LRP2: variants seen among roughly 807,000 people sequenced by gnomAD.
The protein encoded by LRP2 is low-density lipoprotein receptor-related protein 2.
Under a neutral mutation model 531.0 loss-of-function variants are expected in LRP2, and 172 were observed. The ratio of observed to expected loss-of-function variants is 0.32; its 90% CI spans 0.29 to 0.37. The LOEUF (loss-of-function observed/expected upper bound fraction) is 0.37. Ranked by LOEUF, LRP2 falls within the 10% of genes least tolerant of loss-of-function variation. LRP2 has a pLI of 1.00. For missense variants in LRP2, 5,167 were observed against 5,868.3 expected, an observed-to-expected ratio of 0.88 and a Z score of 3.90; for synonymous variants, 1,992 against 2,027.6, an observed-to-expected ratio of 0.98 and a Z score of 0.47.
intron 3 of LRP2, among the ~76,000 whole-genome samples, chr2:169,316,738 ATGAGAATGG>A (rs1268952811): frequency 6.6e-6 from 1 of 152,166 alleles, no homozygotes; most frequent in Non-Finnish European, 1.5e-5. Context: ...CACTAAAGTC[ATGAGAATGG>A]TGAGACTATC....
At chr2:169,336,863 G>A (rs1164039561) in intron 1 of LRP2, among the ~76,000 whole-genome samples, 1 of 152,138 alleles carries the variant, frequency 6.6e-6, no homozygotes, top group Admixed American at 6.5e-5. Flanking sequence ...ACTAAAGTCA[G>A]CCAGTTCTTC....
At chr2:169,182,125 A>G in intron 51 of LRP2, 42 bp downstream of exon 51, 1 of 1,612,488 alleles carries the variant, frequency 6.2e-7, no homozygotes. Flanking sequence ...GAGGCAGAAG[A>G]AGGAGGTGAA....
intron 1 of LRP2, among the ~76,000 whole-genome samples, chr2:169,336,729 A>AT (rs1202476774): frequency 7.2e-5 from 11 of 152,252 alleles, no homozygotes; most frequent in Middle Eastern, 3.4e-3. Context: ...CTGGTAGACC[A>AT]TTTATCTTTG....
intron 52 of LRP2, among the ~76,000 whole-genome samples, chr2:169,179,402 T>C (rs1687342643): frequency 6.6e-6 from 1 of 152,142 alleles, no homozygotes; most frequent in Non-Finnish European, 1.5e-5. Flanking sequence ...ATCTCAGATA[T>C]CTCTATGAGT....
intron 64 of LRP2, 38 bp from the exon 65 acceptor site, chr2:169,156,443 C>G: frequency 6.2e-7 from 1 of 1,612,010 alleles, no homozygotes; most frequent in Non-Finnish European, 8.5e-7. Context: ...AACATCTGTT[C>G]CCATCCATTC....
intron 16 of LRP2, among the ~76,000 whole-genome samples, chr2:169,267,208 A>G (rs986651637): frequency 6.6e-6 from 1 of 152,118 alleles, no homozygotes; most frequent in Non-Finnish European, 1.5e-5. Context: ...TCCATAAAAA[A>G]GCAATAAATT....
At chr2:169,260,979 A>C (rs553917232) in intron 16 of LRP2, among the ~76,000 whole-genome samples, 1 of 152,184 alleles carries the variant, frequency 6.6e-6, no homozygotes, top group Admixed American at 6.5e-5. Flanking sequence ...ACTGATAGGC[A>C]TTATTTAATT....
intron 1 of LRP2, among the ~76,000 whole-genome samples, chr2:169,335,917 A>C (rs1685390176): frequency 6.6e-6 from 1 of 151,630 alleles, no homozygotes; most frequent in African/African-American, 2.4e-5. Flanking sequence ...TGGGAGGCTG[A>C]GCTGGGAGAA....
rs988492187 is a variant in LRP2, at chr2:169,212,127, A to G, written c.6121T>C (p.Phe2041Leu). Residue 2041 changes from phenylalanine to leucine, a missense_variant, in exon 37 of 79, where the codon TTT (phenylalanine) becomes CTT (leucine). Coordinates refer to ENST00000649046, the MANE Select transcript of LRP2 (RefSeq NM_004525.3). The stretch of plus-strand genomic sequence containing the variant: ...AATCCAGTGGCACAGGCGCAGGAAA[A>G]CAATCCTCCTGGTACAGGCAGGCAA... The part of the protein sequence containing the change: ...QICLPVPGGL[F>L]SCACATGFKL... 3.7e-6 allele frequency: 6 copies of G among 1,614,030 alleles called. No individual in the cohort carries two copies. In the Admixed American group the frequency reaches 6.7e-5, roughly 18 times the overall value.
chr2:169,186,047 T>C (rs1687626625), intron 49 of LRP2, 28 bp from the exon 50 acceptor site: 2 of 1,604,904 alleles, frequency 1.2e-6, no homozygotes, highest in South Asian at 2.2e-5. Flanking sequence ...TTCTTAGAGA[T>C]CCTAAAATAT....
At position 169,269,950 on chromosome 2, in the gene LRP2, T is replaced by A. The variant is rs372644950; in HGVS notation, c.2320+954A>T. ...CCCATCAAAAAGTGGGTGAAGGATA[T>A]GAACAGACACTTCTCAAAAAAAGAC... On this transcript the variant is annotated intron_variant, in intron 16 of 78. Transcript: ENST00000649046. 1.2e-4 allele frequency among the ~76,000 whole-genome samples: 18 copies of A among 152,200 alleles called. No individual in the cohort carries two copies. In the East Asian group the frequency reaches 2.5e-3, roughly 21 times the overall value.
intron 1 of LRP2, among the ~76,000 whole-genome samples, chr2:169,358,910 A>G (rs193196372): frequency 7.9e-5 from 12 of 151,220 alleles, no homozygotes; most frequent in Admixed American, 5.9e-4. Flanking sequence ...AAAAAAAAAA[A>G]AAAAAAGAAA....
At chr2:169,273,263 C>G (rs1344784861) in intron 14 of LRP2, among the ~76,000 whole-genome samples, 196 bp from the exon 15 acceptor site, 1 of 152,042 alleles carries the variant, frequency 6.6e-6, no homozygotes, top group African/African-American at 2.4e-5. Flanking sequence ...CACTGCTGCT[C>G]TCCCATCCAC....
At chr2:169,280,702 T>C (rs1181739441) in intron 10 of LRP2, among the ~76,000 whole-genome samples, 183 bp from the exon 11 acceptor site, 2 of 152,186 alleles carry the variant, frequency 1.3e-5, no homozygotes, top group African/African-American at 2.4e-5. Context: ...GAAGGGCAAA[T>C]TGAGGCACAA....
chr2:169,197,168 G>A (rs999752128), intron 45 of LRP2, 138 bp from the exon 46 acceptor site: 41 of 999,984 alleles, frequency 4.1e-5, no homozygotes, highest in Non-Finnish European at 6.0e-5. Flanking sequence ...GGATGCTTGT[G>A]TAAGCTTTCT....
chr2:169,261,508 C>A (rs1342216085), intron 16 of LRP2, among the ~76,000 whole-genome samples: 2 of 144,918 alleles, frequency 1.4e-5, no homozygotes, highest in Non-Finnish European at 3.0e-5. Flanking sequence ...CCTGCATATA[C>A]TGTGTACTCA....
chr2:169,128,696 G>C lies in LRP2; in HGVS notation c.13935C>G (p.Thr4645=), dbSNP rs150373759. 1 of 1,614,004 alleles carries C rather than the reference G, an allele frequency of 6.2e-7. No individual in the cohort carries two copies. Residue 4645 remains threonine (T), a synonymous_variant, in exon 79 of 79, where the codon ACC becomes ACG. Coordinates refer to ENST00000649046, the MANE Select transcript of LRP2 (RefSeq NM_004525.3). ...CAGAGTCTTCTTTAACAAGATTTGC[G>C]GTGTCTTTAAAAGTGTCTTCTGTTG... ...YSATEDTFKD[T]ANLVKEDSEV
chr2:169,206,969 C>T lies in LRP2; in HGVS notation c.6751G>A (p.Val2251Ile), dbSNP rs774026719. The T allele has an allele frequency of 6.2e-7, 1 of 1,614,198 alleles. No homozygotes were observed. Among genetic ancestry groups the T allele is most frequent in the South Asian group, 1.1e-5 (1 of 91,082 alleles). Residue 2251 changes from valine (V) to isoleucine (I), a missense_variant, in exon 39 of 79, where the codon GTT becomes ATT. Coordinates refer to ENST00000649046, the MANE Select transcript of LRP2 (RefSeq NM_004525.3). ...VDRSDGYVYW[V>I]DDSLDIIARI... ...GCAATTATATCTAAAGAATCATCAA[C>T]CCAATAAACGTAGCCATCACTTCGG...
chr2:169,361,369 TCTCTCTCC>T (rs1166335797), intron 1 of LRP2, among the ~76,000 whole-genome samples: 9,278 of 93,296 alleles, frequency 0.099, 645 homozygotes, highest in African/African-American at 0.11. Context: ...TCTCTCTCTC[TCTCTCTCC>T]CTCTCTCTCT....
Sources: gnomAD v4.1 joint callset for allele counts (sites outside exome capture counted in the v4.1 genomes callset) on GRCh38, gnomAD v4.1.1 for gene constraint, MANE v1.5 for transcripts, NCBI Gene and HGNC (gene_info 2026-07-23, HGNC 2026-07-21) for gene names.